Variants in ADCK2 observed in about 807,000 individuals in gnomAD.
ADCK2 encodes the protein aarF domain containing kinase 2.
Under a neutral mutation model 52.3 loss-of-function variants are expected in ADCK2, and 37 were observed. The observed-to-expected ratio is 0.71, with a 90% CI of 0.54 to 0.93. The LOEUF (loss-of-function observed/expected upper bound fraction) is 0.93. Among genes scored for constraint, ADCK2 ranks in the 40% least tolerant of loss-of-function variants. The pLI is 0.00. For synonymous variants in ADCK2, 321 were observed against 349.2 expected (o/e 0.92, Z 0.90); for missense variants, 695 against 798.7 (o/e 0.87, Z 1.56).
Position 140,674,889 on chromosome 7 carries a change from T to A in ADCK2, c.1080+132T>A. 1.8e-6 allele frequency: 2 copies of A among 1,123,886 alleles called. No homozygotes were observed. The highest frequency in any genetic ancestry group is 2.4e-6 in the Non-Finnish European group (2 of 819,678). The allele number at this position is 1,123,886 out of a possible 1,614,324, so 69.6% of individuals were successfully genotyped here. A position where few individuals can be genotyped will look rare whatever the true frequency, so the allele number is the denominator to read the frequency against. On this transcript the variant is annotated intron_variant, in intron 2 of 7. Transcript: ENST00000072869. The surrounding 1 kb of genome is among the most constrained non-coding windows in gnomAD (Gnocchi z 4.6). ...TGTGATGTGTTAGAGCTGGTAACAC[T>A]AGCTGATAAAGAACATCCAAATCTC...
chr7:140,673,088 C>T lies in ADCK2; in HGVS notation c.-243C>T. On this transcript the variant is annotated 5_prime_UTR_variant, in exon 1 of 8. Transcript: ENST00000072869. The surrounding 1 kb of genome is among the most constrained non-coding windows in gnomAD (Gnocchi z 6.4). Reference sequence around the variant, plus strand: ...GCGTGGGTCCTGGCTCCTCCCGTTCCGCAGTTGGTGCCGTCTGACAGCCCC... The same window carrying T: ...GCGTGGGTCCTGGCTCCTCCCGTTCTGCAGTTGGTGCCGTCTGACAGCCCC... 1 of 260,048 alleles carries T rather than the reference C, an allele frequency of 3.8e-6. No individual in the cohort carries two copies. Among genetic ancestry groups the T allele is most frequent in the Non-Finnish European group, 7.1e-6 (1 of 140,390 alleles). The allele number at this position is 260,048 out of a possible 1,614,324, so 16.1% of individuals were successfully genotyped here. A position where few individuals can be genotyped will look rare whatever the true frequency, so the allele number is the denominator to read the frequency against.
rs148002335 is a variant in ADCK2, at chr7:140,684,133, T to C, written c.1306-2857T>C. On this transcript the variant is annotated intron_variant, in intron 4 of 7. Coordinates refer to ENST00000072869, the MANE Select transcript of ADCK2 (RefSeq NM_052853.4). ...AGAGGGGTATTTTGCCTATCTGCAG[T>C]GTAGCCTGGGGGTTAGGAGCCCAGA... Among the ~76,000 whole-genome samples the C allele has an allele frequency of 3.4e-3, 521 of 152,284 alleles. 3 individuals carry two copies. The highest frequency in any genetic ancestry group is 0.012 in the African/African-American group (498 of 41,550).
rs776949050 is a variant in ADCK2 at position 140,681,113 on chromosome 7, G to A, written c.1281G>A (p.Leu427=). The A allele has an allele frequency of 3.7e-6, 6 of 1,614,128 alleles. 1 individual carries two copies. In the South Asian group the frequency reaches 6.6e-5, roughly 18 times the overall value. Residue 427 remains leucine, a synonymous_variant, in exon 4 of 8, where the codon CTG becomes CTA. Coordinates refer to ENST00000072869, the MANE Select transcript of ADCK2 (RefSeq NM_052853.4). ...ACTTGAAAAGGAAGATTGCACGGCT[G>A]GGGATCAACATGCTCCTGAAGATGG... ...PVDLKRKIAR[L]GINMLLKMIF... is the part of the protein sequence containing the mutation.
rs375001099 is a variant in ADCK2, at chr7:140,679,142, C to A, written c.1081-13C>A. 1.1e-5 allele frequency: 18 copies of A among 1,613,650 alleles called. No homozygotes were observed. Among genetic ancestry groups the A allele is most frequent in the Non-Finnish European group, 1.4e-5 (16 of 1,179,790 alleles). On this transcript the variant is annotated splice_polypyrimidine_tract_variant and intron_variant, in intron 2 of 7. Coordinates refer to ENST00000072869, the MANE Select transcript of ADCK2 (RefSeq NM_052853.4). ...CAGACTAGCCCTCATCCTTTCTGTC[C>A]ATTTCTCTGTAGATTGACCTGCGTT...
At position 140,689,738 on chromosome 7, in the gene ADCK2, C is replaced by T. The variant is rs759895919; in HGVS notation, c.1686+13C>T. The T allele has an allele frequency of 2.5e-6, 4 of 1,606,468 alleles. No individual in the cohort carries two copies. The African/African-American group carries it at 5.4e-5, about 21-fold the overall frequency. On this transcript the variant is annotated intron_variant, in intron 6 of 7. Transcript: ENST00000072869. ...CACCCTGGAGAAGGTGGGCAGGTCA[C>T]TTGCGGAACAGGGGCTGGGGAGTCC...
chr7:140,677,421 A>AT (rs1563206467), intron 2 of ADCK2, among the ~76,000 whole-genome samples: 2 of 151,760 alleles, frequency 1.3e-5, no homozygotes, highest in Non-Finnish European at 2.9e-5. Context: ...AAAAAAAAAA[A>AT]GAAAGACAGT....
In ADCK2 at chr7:140,679,095, C is replaced by G. The variant is rs556364523; in HGVS notation, c.1081-60C>G. Reference sequence around the variant, plus strand: ...ATGACTTGCTAGCTCCTTGGCATTGCAGATGTCACTGTGCCTGTACCCAGA... The same window carrying G: ...ATGACTTGCTAGCTCCTTGGCATTGGAGATGTCACTGTGCCTGTACCCAGA... On this transcript the variant is annotated intron_variant, in intron 2 of 7. Coordinates refer to ENST00000072869, the MANE Select transcript of ADCK2 (RefSeq NM_052853.4). The G allele has an allele frequency of 3.4e-4, 542 of 1,586,754 alleles. 3 individuals are homozygous for G. The African/African-American group carries it at 6.6e-3, about 19-fold the overall frequency.
In ADCK2 at chr7:140,673,684, C is replaced by A. The variant is rs200557441; in HGVS notation, c.354C>A (p.Pro118=). ...TCTTCCCCCTCCTACTCCTCTACCC[C>A]CTCACCTACCTGGCTCCCAGCGTCT... The part of the protein sequence containing the change: ...VKFFPLLLLY[P]LTYLAPSVST... The change falls in exon 1 of 8, where the codon CCC becomes CCA. Residue 118 remains proline (P), a synonymous_variant. Transcript: ENST00000072869. The surrounding 1 kb of genome is among the most constrained non-coding windows in gnomAD (Gnocchi z 6.4). 1.7e-5 allele frequency: 27 copies of A among 1,611,842 alleles called. No homozygotes were observed. The highest frequency in any genetic ancestry group is 2.2e-5 in the East Asian group (1 of 44,838).
intron 3 of ADCK2, among the ~76,000 whole-genome samples, chr7:140,679,956 G>A (rs1794488104): frequency 6.6e-6 from 1 of 152,016 alleles, no homozygotes; most frequent in Non-Finnish European, 1.5e-5. Flanking sequence ...TTACAGGCAT[G>A]AGCCACTGCA....
At chr7:140,675,591 G>A (rs891239713) in intron 2 of ADCK2, among the ~76,000 whole-genome samples, 7 of 152,240 alleles carry the variant, frequency 4.6e-5, no homozygotes, top group African/African-American at 1.7e-4. Context: ...GGCCAGGCCT[G>A]GAAGTGGCAA....
chr7:140,686,333 T>A (rs566602222), intron 4 of ADCK2, among the ~76,000 whole-genome samples: 1 of 152,208 alleles, frequency 6.6e-6, no homozygotes, highest in South Asian at 2.1e-4. Context: ...CAGACTGGAG[T>A]GCAGTGGCAC....
intron 4 of ADCK2, among the ~76,000 whole-genome samples, chr7:140,682,327 A>T (rs1794530614): frequency 6.6e-6 from 1 of 152,162 alleles, no homozygotes; most frequent in Non-Finnish European, 1.5e-5. Context: ...CTACATAAGG[A>T]CAGGTGGCAG....
intron 4 of ADCK2, among the ~76,000 whole-genome samples, chr7:140,685,810 C>T (rs1005898503): frequency 8.5e-5 from 13 of 152,170 alleles, no homozygotes; most frequent in Non-Finnish European, 1.8e-4. Context: ...CTCTCATCCC[C>T]CGTGGAAGGA....
At position 140,690,813 on chromosome 7, in the gene ADCK2, G is replaced by A; in HGVS notation, c.1740G>A (p.Lys580=). The change falls in exon 7 of 8, where the codon AAG becomes AAA. Residue 580 remains lysine (K), a splice_region_variant and synonymous_variant. Coordinates refer to ENST00000072869, the MANE Select transcript of ADCK2 (RefSeq NM_052853.4). ...SSVFKLLMTH[K]VKLESNFASI... is the part of the protein sequence containing the mutation. ...TCTTTAAGTTGCTGATGACTCACAAGGTGAGGGCCATTCAGAGGGGAGGTC... is the reference window on the plus strand; with the variant it reads ...TCTTTAAGTTGCTGATGACTCACAAAGTGAGGGCCATTCAGAGGGGAGGTC... The A allele has an allele frequency of 6.2e-7, 1 of 1,613,910 alleles. No homozygotes were observed. The highest frequency in any genetic ancestry group is 8.5e-7 in the Non-Finnish European group (1 of 1,179,906).
At position 140,693,298 on chromosome 7, in the gene ADCK2, G is replaced by A. The variant is rs78670397; in HGVS notation, c.1741-1365G>A. On this transcript the variant is annotated intron_variant, in intron 7 of 7. Transcript: ENST00000072869. This position sits in a 1 kb window ranked among gnomAD's most constrained non-coding sequence, Gnocchi z 4.0. ...TGGGTTCCCACCCGGACCAGAGCCT[G>A]TGTGGCCAATCTGCCAGGCTGGAAC... is the stretch of plus-strand genomic sequence containing the variant. Among the ~76,000 whole-genome samples, 1 of 152,230 alleles carries A rather than the reference G, an allele frequency of 6.6e-6. No individual in the cohort carries two copies. Among genetic ancestry groups the A allele is most frequent in the Admixed American group, 6.5e-5 (1 of 15,280 alleles).
At chr7:140,687,290 A>G in intron 5 of ADCK2, 49 bp downstream of exon 5, 1 of 1,503,078 alleles carries the variant, frequency 6.7e-7, no homozygotes, top group Non-Finnish European at 8.9e-7. Context: ...TTTTTAATTA[A>G]AAGAGCTGGT....
rs1801691934 is a variant in ADCK2, at chr7:140,674,193, C to T, written c.863C>T (p.Ala288Val). ...LPKADLVGSN[A>V]GVSRAQVPGH... ...AAAGCTGACCTGGTTGGATCAAATG[C>T]AGGGGTGTCTCGGGCTCAGGTCCCT... Residue 288 changes from alanine to valine, a missense_variant, in exon 1 of 8, where the codon GCA becomes GTA. Ala to Val is a moderately conservative substitution (Grantham distance 64). Coordinates refer to ENST00000072869, the MANE Select transcript of ADCK2 (RefSeq NM_052853.4). This position sits in a 1 kb window ranked among gnomAD's most constrained non-coding sequence, Gnocchi z 4.6. The T allele has an allele frequency of 6.2e-7, 1 of 1,614,062 alleles. No homozygotes were observed. Among genetic ancestry groups the T allele is most frequent in the South Asian group, 1.1e-5 (1 of 91,070 alleles).
intron 4 of ADCK2, among the ~76,000 whole-genome samples, chr7:140,686,676 C>T (rs182210691): frequency 3.9e-5 from 6 of 152,256 alleles, no homozygotes; most frequent in Admixed American, 3.3e-4. Flanking sequence ...AACTCCTGGG[C>T]TCAAGTGACC....
rs191610737 is a variant in ADCK2 at position 140,694,102 on chromosome 7, C to A, written c.1741-561C>A. On this transcript the variant is annotated intron_variant, in intron 7 of 7. Coordinates refer to ENST00000072869, the MANE Select transcript of ADCK2 (RefSeq NM_052853.4). The stretch of plus-strand genomic sequence containing the variant: ...TGGGGCAGCCAAGGTGGGAGGATTG[C>A]TTGGGGCCAGGAGTTCGAGATCAGC... 2.2e-3 allele frequency among the ~76,000 whole-genome samples: 341 copies of A among 152,182 alleles called. 2 individuals carry two copies. Among genetic ancestry groups the A allele is most frequent in the Middle Eastern group, 0.01 (3 of 294 alleles).
Sources: allele counts gnomAD v4.1 joint callset (sites outside exome capture counted in the v4.1 genomes callset), GRCh38; gene constraint gnomAD v4.1.1; non-coding constraint Gnocchi (gnomAD v3.1); transcripts MANE v1.5; gene names NCBI Gene and HGNC (gene_info 2026-07-23, HGNC 2026-07-21).